Variants in ANKH observed in about 807,000 individuals in gnomAD.
ANKH encodes the protein mineralization regulator ANKH.
A neutral mutation model predicts 49.0 loss-of-function variants in ANKH; 15 were observed. The ratio of observed to expected loss-of-function variants is 0.31; its 90% CI spans 0.20 to 0.47. The LOEUF is 0.47. Ranked by LOEUF, ANKH falls within the 20% of genes least tolerant of loss-of-function variation. ANKH has a pLI of 1.00. For synonymous variants in ANKH, 273 were observed against 260.0 expected (o/e 1.05, Z -0.48); for missense variants, 429 against 652.0 (o/e 0.66, Z 3.72).
At chr5:14,721,929 CAAAAAAAAAAA>C (rs35821509) in intron 8 of ANKH, among the ~76,000 whole-genome samples, 5 of 59,456 alleles carry the variant, frequency 8.4e-5, no homozygotes, top group Non-Finnish European at 1.1e-4. Flanking sequence ...GACTCCGTCT[CAAAAAAAAAAA>C]AAAAAAAAAA....
At chr5:14,823,363 C>T (rs1487365510) in intron 1 of ANKH, among the ~76,000 whole-genome samples, 1 of 152,062 alleles carries the variant, frequency 6.6e-6, no homozygotes, top group Admixed American at 6.5e-5. Context: ...GGAATAACAA[C>T]AACAATTTTA....
chr5:14,728,346 CCT>C (rs1349856386), intron 8 of ANKH, among the ~76,000 whole-genome samples: 1 of 152,240 alleles, frequency 6.6e-6, no homozygotes, highest in African/African-American at 2.4e-5. Context: ...CTGCTTTCTC[CCT>C]GTTTCCAAGA....
chr5:14,773,720 A>C (rs988435689), intron 1 of ANKH, among the ~76,000 whole-genome samples: 3 of 152,214 alleles, frequency 2.0e-5, no homozygotes, highest in African/African-American at 4.8e-5. Flanking sequence ...GGCACGAAGC[A>C]GTGGCTGGCT....
chr5:14,768,201 C>T (rs540690409), intron 2 of ANKH: 20 of 152,354 alleles, frequency 1.3e-4, no homozygotes, highest in Admixed American at 1.1e-3. Context: ...GACAGTCACG[C>T]GTCTTAAACA....
intron 1 of ANKH, among the ~76,000 whole-genome samples, chr5:14,783,476 TTATTGATGCACAGTATTC>T (rs1339609233): frequency 6.6e-6 from 1 of 152,220 alleles, no homozygotes; most frequent in Non-Finnish European, 1.5e-5. Flanking sequence ...TTGGTTTAAA[TTATTGATGCACAGTATTC>T]TATTGATGCA....
chr5:14,815,745 T>G (rs113894212), intron 1 of ANKH, among the ~76,000 whole-genome samples: 1 of 152,198 alleles, frequency 6.6e-6, no homozygotes, highest in African/African-American at 2.4e-5. Context: ...ACAGGGGCCA[T>G]GAGCCACACA....
At chr5:14,714,033 T>G (rs1004752784) in intron 9 of ANKH, among the ~76,000 whole-genome samples, 5 of 152,240 alleles carry the variant, frequency 3.3e-5, no homozygotes, top group Non-Finnish European at 7.4e-5. Context: ...CAGAGAAAAG[T>G]GGCACTCTAG....
intron 8 of ANKH, among the ~76,000 whole-genome samples, chr5:14,722,908 CGATAA>C (rs1435981412): frequency 6.6e-6 from 1 of 151,740 alleles, no homozygotes; most frequent in African/African-American, 2.4e-5. Context: ...CACATACCCT[CGATAA>C]GATGTGATGA....
chr5:14,848,419 TC>T (rs1234769760), intron 1 of ANKH, among the ~76,000 whole-genome samples: 2 of 150,326 alleles, frequency 1.3e-5, no homozygotes, highest in African/African-American at 4.9e-5. Context: ...ATCCTCTGGG[TC>T]CCCTCCCGTT....
In ANKH at chr5:14,829,575, G is replaced by A. The variant is rs538042355; in HGVS notation, c.96+41777C>T. On this transcript the variant is annotated intron_variant, in intron 1 of 11. Transcript: ENST00000284268. ...GCATTTGGGCGAGTTGCCTGTTCTCGTGCAGCAAACCAACAGAAATGCCTG... is the reference window on the plus strand; with the variant it reads ...GCATTTGGGCGAGTTGCCTGTTCTCATGCAGCAAACCAACAGAAATGCCTG... 9.8e-4 allele frequency among the ~76,000 whole-genome samples: 149 copies of A among 152,110 alleles called. 3 individuals carry two copies. Among genetic ancestry groups the A allele is most frequent in the South Asian group, 6.2e-4 (3 of 4,824 alleles).
At chr5:14,782,527 C>G (rs1169924093) in intron 1 of ANKH, among the ~76,000 whole-genome samples, 1 of 152,132 alleles carries the variant, frequency 6.6e-6, no homozygotes, top group Non-Finnish European at 1.5e-5. Context: ...ATGCTAAATT[C>G]TGTCTACTAG....
intron 8 of ANKH, among the ~76,000 whole-genome samples, chr5:14,718,833 C>CCA (rs1554000282): frequency 7.0e-6 from 1 of 143,500 alleles, no homozygotes; most frequent in Non-Finnish European, 1.5e-5. Context: ...AACACCACCC[C>CCA]CCCCCCAAAA....
At chr5:14,741,805 C>A (rs1738365062) in intron 8 of ANKH, 22 bp downstream of exon 8, 1 of 1,592,752 alleles carries the variant, frequency 6.3e-7, no homozygotes, top group African/African-American at 1.3e-5. Context: ...AGAGAAGAGG[C>A]AGAGAGAGCC....
chr5:14,787,902 T>C (rs945791106), intron 1 of ANKH, among the ~76,000 whole-genome samples: 1 of 152,188 alleles, frequency 6.6e-6, no homozygotes, highest in Non-Finnish European at 1.5e-5. Context: ...CCTTTGGCCA[T>C]GAGAAAAGAG....
In ANKH at chr5:14,708,663, G is replaced by T. The variant is rs1737041606; in HGVS notation, c.*2534C>A. Reference sequence around the variant, plus strand: ...CTGTGACTTAAGCAGCCCAAGTGAAGAAAATGTACGAAGAAGGATCACGTG... The same window carrying T: ...CTGTGACTTAAGCAGCCCAAGTGAATAAAATGTACGAAGAAGGATCACGTG... On this transcript the variant is annotated 3_prime_UTR_variant, in exon 12 of 12. Transcript: ENST00000284268. 6.6e-6 allele frequency: 1 copy of T among 152,202 alleles called. No individual in the cohort carries two copies. Among genetic ancestry groups the T allele is most frequent in the African/African-American group, 2.4e-5 (1 of 41,460 alleles). The allele number at this position is 152,202 out of a possible 1,614,324, so 9.4% of individuals were successfully genotyped here.
intron 1 of ANKH, among the ~76,000 whole-genome samples, chr5:14,838,686 T>C (rs1741731801): frequency 6.6e-6 from 1 of 152,212 alleles, no homozygotes; most frequent in Admixed American, 6.5e-5. Flanking sequence ...TTTGCTTAAT[T>C]CCAGCTGGAT....
At chr5:14,749,370 A>G (rs1580032962) in intron 5 of ANKH, 64 bp from the exon 6 acceptor site, 1 of 1,572,696 alleles carries the variant, frequency 6.4e-7, no homozygotes, top group Non-Finnish European at 8.7e-7. Flanking sequence ...AAAACGATTC[A>G]GAATCAAAGC....
chr5:14,774,889 AG>A (rs1739562708), intron 1 of ANKH, among the ~76,000 whole-genome samples: 1 of 68,102 alleles, frequency 1.5e-5, no homozygotes, highest in Non-Finnish European at 3.5e-5. Context: ...GTATACAAAT[AG>A]AATAAACATT....
intron 1 of ANKH, among the ~76,000 whole-genome samples, chr5:14,780,190 G>A (rs917385224): frequency 3.3e-5 from 5 of 152,084 alleles, no homozygotes; most frequent in African/African-American, 9.7e-5. Context: ...AAGTCAGGAC[G>A]TGCCAAGGGC....
Sources: gnomAD v4.1 joint callset for allele counts (sites outside exome capture counted in the v4.1 genomes callset) on GRCh38, gnomAD v4.1.1 for gene constraint, MANE v1.5 for transcripts, NCBI Gene and HGNC (gene_info 2026-07-23, HGNC 2026-07-21) for gene names.